Variants in WASL observed in about 807,000 individuals in gnomAD.
The protein encoded by WASL is actin nucleation-promoting factor WASL.
In WASL, 20 loss-of-function variants were observed where a neutral mutation model predicts 55.5. That is an observed-to-expected ratio of 0.36 (90% CI 0.25 to 0.52). WASL has a LOEUF of 0.52. Ranked by LOEUF, WASL falls within the 20% of genes least tolerant of loss-of-function variation. The pLI, the probability that WASL is intolerant of heterozygous loss-of-function variation, is 0.92. For synonymous variants in WASL, 249 were observed against 217.6 expected, an observed-to-expected ratio of 1.14 and a Z score of -1.27; for missense variants, 504 against 622.5, an observed-to-expected ratio of 0.81 and a Z score of 2.03.
intron 1 of WASL, among the ~76,000 whole-genome samples, chr7:123,733,913 C>CAAAAAA (rs33913069): frequency 9.0e-5 from 10 of 110,796 alleles, no homozygotes; most frequent in African/African-American, 1.4e-4. Flanking sequence ...ATCCACGTGC[C>CAAAAAA]AAAAAAAAAA....
Position 123,695,881 on chromosome 7 carries a change from G to T in WASL, c.630-16C>A. The T allele has an allele frequency of 6.2e-7, 1 of 1,608,438 alleles. No individual in the cohort carries two copies. On this transcript the variant is annotated splice_polypyrimidine_tract_variant and intron_variant, in intron 6 of 10. Coordinates refer to ENST00000223023, the MANE Select transcript of WASL (RefSeq NM_003941.4). ...TCCAATGTGCCTGAAGTAGAAAATA[G>T]AAAAAAAATAGAAAAACAAAATGCA...
At chr7:123,700,204 A>AAAAAAAC (rs1562959040) in intron 5 of WASL, among the ~76,000 whole-genome samples, 3 of 69,062 alleles carry the variant, frequency 4.3e-5, no homozygotes, top group Admixed American at 1.6e-4. Context: ...AAAAAAAAAA[A>AAAAAAAC]AAACAACATT....
chr7:123,739,445 C>T (rs947670804), intron 1 of WASL, among the ~76,000 whole-genome samples: 5 of 152,186 alleles, frequency 3.3e-5, no homozygotes, highest in African/African-American at 9.7e-5. Context: ...TACAATGGTG[C>T]GAAAGCAATA....
intron 1 of WASL, among the ~76,000 whole-genome samples, chr7:123,746,876 A>AACC (rs1804440119): frequency 1.3e-5 from 2 of 152,252 alleles, no homozygotes; most frequent in Non-Finnish European, 1.5e-5. Flanking sequence ...TGTGTCTGGT[A>AACC]TGTAGAACAC....
intron 1 of WASL, among the ~76,000 whole-genome samples, chr7:123,733,244 T>C (rs1804170750): frequency 1.3e-5 from 2 of 152,174 alleles, no homozygotes; most frequent in Admixed American, 1.3e-4. Context: ...ATTACCAATG[T>C]AGAAAATCCT....
At position 123,748,916 on chromosome 7, in the gene WASL, T is replaced by C. The variant is rs1248577060; in HGVS notation, c.-182A>G. 19 of 569,856 alleles carry C rather than the reference T, an allele frequency of 3.3e-5. No homozygotes were observed. In the African/African-American group the frequency reaches 3.4e-4, roughly 10 times the overall value. The allele number at this position is 569,856 out of a possible 1,614,324, so 35.3% of individuals were successfully genotyped here. The stretch of plus-strand genomic sequence containing the variant: ...AGCAGGCGCTGACGGCGAGCCACCT[T>C]CGCGCCGCGCTGAGAAAGGGAAGCT... On this transcript the variant is annotated 5_prime_UTR_variant, in exon 1 of 11. Coordinates refer to ENST00000223023, the MANE Select transcript of WASL (RefSeq NM_003941.4).
chr7:123,692,231 G>T, intron 9 of WASL, 116 bp downstream of exon 9: 1 of 1,360,266 alleles, frequency 7.4e-7, no homozygotes, highest in Non-Finnish European at 9.8e-7. Context: ...ATAGGGTTAA[G>T]AATGAATTAG....
intron 1 of WASL, among the ~76,000 whole-genome samples, chr7:123,727,384 A>ACACACACACAC (rs1584870324): frequency 4.8e-5 from 4 of 83,334 alleles, no homozygotes; most frequent in East Asian, 7.2e-4. Flanking sequence ...CACACACACA[A>ACACACACACAC]ACTTATACAA....
chr7:123,722,677 A>G (rs1194321657), intron 1 of WASL, among the ~76,000 whole-genome samples: 3 of 152,060 alleles, frequency 2.0e-5, no homozygotes, highest in Non-Finnish European at 2.9e-5. Flanking sequence ...AAAATCAGCC[A>G]GGCGTGGTGG....
At chr7:123,704,732 A>T in intron 4 of WASL, 75 bp from the exon 5 acceptor site, 1 of 1,002,784 alleles carries the variant, frequency 1.0e-6, no homozygotes, top group African/African-American at 1.7e-5. Context: ...TTAATTCACT[A>T]AACTGTCTTA....
At position 123,704,671 on chromosome 7, in the gene WASL, A is replaced by G; in HGVS notation, c.437-14T>C. 7.0e-7 allele frequency: 1 copy of G among 1,429,386 alleles called. No individual in the cohort carries two copies. The highest frequency in any genetic ancestry group is 9.6e-7 in the Non-Finnish European group (1 of 1,045,440). 88.5% of individuals were successfully genotyped at this position (1,429,386 alleles called of 1,614,324 possible). The stretch of plus-strand genomic sequence containing the variant: ...CTCGTCTTTTCTCTGTTAGAAAATA[A>G]ATTAGAAGAATATTATTAAATATAT... On this transcript the variant is annotated splice_polypyrimidine_tract_variant and intron_variant, in intron 4 of 10. Transcript: ENST00000223023.
At chr7:123,702,573 T>G (rs915855648) in intron 5 of WASL, among the ~76,000 whole-genome samples, 1 of 152,206 alleles carries the variant, frequency 6.6e-6, no homozygotes, top group African/African-American at 2.4e-5. Context: ...AAAATAAAAA[T>G]GGATGGGTCC....
At chr7:123,748,505 G>T in intron 1 of WASL, 113 bp downstream of exon 1, 1 of 1,109,108 alleles carries the variant, frequency 9.0e-7, no homozygotes, top group Non-Finnish European at 1.3e-6. Flanking sequence ...CGGGGCTGGC[G>T]GGAGGCCTGG....
intron 1 of WASL, among the ~76,000 whole-genome samples, chr7:123,737,282 C>G (rs1156991538): frequency 6.6e-6 from 1 of 152,126 alleles, no homozygotes; most frequent in Non-Finnish European, 1.5e-5. Flanking sequence ...CTACGTACTC[C>G]TTGTAATTTA....
At chr7:123,744,562 T>G (rs1276511813) in intron 1 of WASL, among the ~76,000 whole-genome samples, 1 of 152,180 alleles carries the variant, frequency 6.6e-6, no homozygotes, top group South Asian at 2.1e-4. Context: ...TAAAAATGGC[T>G]TAAGTATCAC....
intron 6 of WASL, among the ~76,000 whole-genome samples, 176 bp downstream of exon 6, chr7:123,696,403 C>A (rs1803493279): frequency 1.4e-5 from 2 of 148,004 alleles, no homozygotes. Flanking sequence ...ATCTATTGAG[C>A]AGCTGCCTTA....
chr7:123,696,918 T>C (rs1383695900), intron 5 of WASL, among the ~76,000 whole-genome samples, 171 bp from the exon 6 acceptor site: 1 of 152,112 alleles, frequency 6.6e-6, no homozygotes, highest in Non-Finnish European at 1.5e-5. Context: ...TTCTAAAACC[T>C]GTTAAGTTCT....
In WASL at chr7:123,695,014, T is replaced by A. The variant is rs912218983; in HGVS notation, c.673-146A>T. The A allele has an allele frequency of 3.8e-6, 3 of 795,602 alleles. No individual in the cohort carries two copies. The African/African-American group carries it at 5.4e-5, about 14-fold the overall frequency. The allele number at this position is 795,602 out of a possible 1,614,324, so 49.3% of individuals were successfully genotyped here. ...TTATGTGCTAACTAAAATATTTTAT[T>A]AAAAAAAACTGAACAGATATATTCC... On this transcript the variant is annotated intron_variant, in intron 7 of 10. Coordinates refer to ENST00000223023, the MANE Select transcript of WASL (RefSeq NM_003941.4).
chr7:123,738,561 T>C (rs751622632), intron 1 of WASL, among the ~76,000 whole-genome samples: 4 of 152,214 alleles, frequency 2.6e-5, no homozygotes, highest in Non-Finnish European at 4.4e-5. Context: ...CAATTAAATA[T>C]TGCCAATTTT....
Sources: gnomAD v4.1 joint callset for allele counts (sites outside exome capture counted in the v4.1 genomes callset) on GRCh38, gnomAD v4.1.1 for gene constraint, MANE v1.5 for transcripts, NCBI Gene and HGNC (gene_info 2026-07-23, HGNC 2026-07-21) for gene names.